Variants in FMN1 observed in about 807,000 individuals in gnomAD.
FMN1 encodes formin-1.
FMN1 carries 110 observed loss-of-function variants against 132.4 expected under a neutral mutation model. The observed-to-expected ratio is 0.83, with a 90% CI of 0.71 to 0.97. The LOEUF (loss-of-function observed/expected upper bound fraction) is 0.97. Ranked by LOEUF, FMN1 falls within the 50% of genes least tolerant of loss-of-function variation. FMN1 has a pLI of 0.00. For synonymous variants in FMN1, 722 were observed against 651.7 expected, an observed-to-expected ratio of 1.11 and a Z score of -1.64; for missense variants, 1,792 against 1,705.3, an observed-to-expected ratio of 1.05 and a Z score of -0.90.
chr15:33,153,944 T>G lies in FMN1; in HGVS notation c.971A>C (p.Lys324Thr). 3.9e-6 allele frequency: 6 copies of G among 1,536,764 alleles called. No homozygotes were observed. Among genetic ancestry groups the G allele is most frequent in the Non-Finnish European group, 5.2e-6 (6 of 1,147,056 alleles). Residue 324 changes from lysine to threonine, a missense_variant, in exon 4 of 21, where the codon AAA (lysine) becomes ACA (threonine). By Grantham distance (78) the Lys-to-Thr change is moderately conservative. Around this residue, in one of 3 missense-constraint regions of FMN1, gnomAD observed 638 missense variants for 645.2 expected, o/e 0.99. Coordinates refer to ENST00000616417, the MANE Select transcript of FMN1 (RefSeq NM_001277313.2). ...TTTGGCCACCACTTTGGAGACAGGT[T>G]TCTGCTTGCAAGTCCGCTTAGCCGG... ...EKPAKRTCKQ[K>T]PVSKVVAKVQ...
chr15:32,950,002 C>T (rs553877262), intron 9 of FMN1, among the ~76,000 whole-genome samples: 12 of 23,492 alleles, frequency 5.1e-4, no homozygotes, highest in African/African-American at 3.3e-3. Context: ...TATACACATA[C>T]ACATATATAT....
At chr15:33,048,727 T>C (rs1431836950) in intron 6 of FMN1, among the ~76,000 whole-genome samples, 1 of 150,424 alleles carries the variant, frequency 6.6e-6, no homozygotes, top group African/African-American at 2.4e-5. Context: ...GAGGAGCAAG[T>C]CACATCTCAC....
At chr15:33,127,953 G>T (rs1013748068) in intron 4 of FMN1, among the ~76,000 whole-genome samples, 1 of 152,094 alleles carries the variant, frequency 6.6e-6, no homozygotes, top group East Asian at 1.9e-4. Flanking sequence ...CAGGACAGGA[G>T]AAAGGAAAGA....
intron 10 of FMN1, among the ~76,000 whole-genome samples, chr15:32,913,705 A>G (rs1179989519): frequency 2.0e-5 from 3 of 152,200 alleles, no homozygotes; most frequent in Non-Finnish European, 4.4e-5. Context: ...AATCTGTGGT[A>G]TGTTGCATAA....
chr15:33,068,628 A>T (rs2037858864), intron 5 of FMN1, among the ~76,000 whole-genome samples: 1 of 108,482 alleles, frequency 9.2e-6, no homozygotes, highest in Non-Finnish European at 2.2e-5. Context: ...CTGCCCTTGA[A>T]GCTTTTTTTA....
chr15:32,970,660 T>A (rs2031704637), intron 7 of FMN1: 1 of 152,142 alleles, frequency 6.6e-6, no homozygotes, highest in African/African-American at 2.4e-5. Context: ...TAAAGAAATA[T>A]TTTAACAGCC....
intron 4 of FMN1, among the ~76,000 whole-genome samples, chr15:33,089,567 A>C (rs2038831811): frequency 6.6e-6 from 1 of 152,224 alleles, no homozygotes; most frequent in African/African-American, 2.4e-5. Flanking sequence ...TAGGTTTGCC[A>C]TAGGATGATA....
chr15:33,077,958 G>A lies in FMN1; in HGVS notation c.2043+10841C>T, dbSNP rs7165692. ...ATGAGATACCATCTCACACCAGTTA[G>A]AATGGCGATCATTAAAAAGTTAGGA... On this transcript the variant is annotated intron_variant, in intron 5 of 20. Coordinates refer to ENST00000616417, the MANE Select transcript of FMN1 (RefSeq NM_001277313.2). 1.1e-3 allele frequency among the ~76,000 whole-genome samples: 174 copies of A among 152,264 alleles called. 1 individual carries two copies. The highest frequency in any genetic ancestry group is 3.7e-3 in the African/African-American group (155 of 41,546).
intron 3 of FMN1, among the ~76,000 whole-genome samples, chr15:33,163,111 A>G (rs1384836206): frequency 6.6e-6 from 1 of 152,142 alleles, no homozygotes; most frequent in African/African-American, 2.4e-5. Context: ...TGGGTGACAG[A>G]GTGAGACACT....
At chr15:33,090,283 GCTGAAACCTGA>G (rs1225640115) in intron 4 of FMN1, among the ~76,000 whole-genome samples, 1 of 152,170 alleles carries the variant, frequency 6.6e-6, no homozygotes, top group African/African-American at 2.4e-5. Flanking sequence ...CTTCTACCAT[GCTGAAACCTGA>G]CTTACACGAA....
chr15:32,801,132 A>T (rs1033156463), intron 18 of FMN1, among the ~76,000 whole-genome samples: 3 of 152,176 alleles, frequency 2.0e-5, no homozygotes, highest in Non-Finnish European at 4.4e-5. Context: ...ATCCTGGTGC[A>T]GTTTCAGAGA....
At chr15:32,886,789 G>A (rs532076410) in intron 16 of FMN1, among the ~76,000 whole-genome samples, 1 of 152,276 alleles carries the variant, frequency 6.6e-6, no homozygotes, top group Admixed American at 6.5e-5. Context: ...ACCAGCCTGG[G>A]CCCTAATTCT....
chr15:33,098,015 C>T (rs1196617201), intron 4 of FMN1, among the ~76,000 whole-genome samples: 1 of 152,110 alleles, frequency 6.6e-6, no homozygotes, highest in Non-Finnish European at 1.5e-5. Context: ...AAACAAGTCT[C>T]AATGAATTTA....
intron 17 of FMN1, among the ~76,000 whole-genome samples, chr15:32,856,477 C>T (rs1165728856): frequency 6.6e-6 from 1 of 152,220 alleles, no homozygotes; most frequent in Non-Finnish European, 1.5e-5. Context: ...CATACCAGCA[C>T]ATCACTTTCA....
chr15:33,015,475 T>C (rs149678611), intron 6 of FMN1, among the ~76,000 whole-genome samples: 2 of 152,330 alleles, frequency 1.3e-5, no homozygotes, highest in African/African-American at 4.8e-5. Flanking sequence ...GATTTTCATT[T>C]ATGCGCTCTT....
At chr15:32,982,545 A>G (rs1391779963) in intron 7 of FMN1, among the ~76,000 whole-genome samples, 4 of 152,186 alleles carry the variant, frequency 2.6e-5, no homozygotes, top group African/African-American at 9.7e-5. Flanking sequence ...CAGGGTGCCC[A>G]GTTATTTGGC....
intron 12 of FMN1, among the ~76,000 whole-genome samples, chr15:32,905,671 T>A (rs1371310682): frequency 1.3e-5 from 2 of 152,198 alleles, no homozygotes; most frequent in South Asian, 4.1e-4. Context: ...AGCCTCTCCA[T>A]GCTCTGATTT....
chr15:33,151,073 C>A, intron 4 of FMN1: 2 of 1,311,762 alleles, frequency 1.5e-6, no homozygotes, highest in Non-Finnish European at 2.0e-6. Flanking sequence ...ATAAAGAGGA[C>A]TCACAGCGAC....
chr15:32,901,639 T>C (rs890266350), intron 13 of FMN1, among the ~76,000 whole-genome samples: 1 of 152,186 alleles, frequency 6.6e-6, no homozygotes, highest in Non-Finnish European at 1.5e-5. Context: ...GTGGCCAGTA[T>C]GTACTTTGGA....
Sources: gnomAD v4.1 joint callset for allele counts (sites outside exome capture counted in the v4.1 genomes callset) on GRCh38, gnomAD v4.1.1 for gene constraint, gnomAD v4.1.1 regional missense constraint, MANE v1.5 for transcripts, NCBI Gene and HGNC (gene_info 2026-07-23, HGNC 2026-07-21) for gene names.